ANKRD55: variants seen among roughly 807,000 people sequenced by gnomAD.
ANKRD55 encodes ankyrin repeat domain-containing protein 55.
A neutral mutation model predicts 60.6 loss-of-function variants in ANKRD55; 41 were observed. That is an observed-to-expected ratio of 0.68 (90% CI 0.53 to 0.88). ANKRD55 has a LOEUF of 0.88. Ranked by LOEUF, ANKRD55 falls within the 40% of genes least tolerant of loss-of-function variation. ANKRD55 has a pLI of 0.00. For synonymous variants in ANKRD55, 264 were observed against 290.3 expected (o/e 0.91, Z 0.92); for missense variants, 732 against 767.6 (o/e 0.95, Z 0.55).
intron 3 of ANKRD55, among the ~76,000 whole-genome samples, chr5:56,181,858 G>C (rs970605713): frequency 8.5e-5 from 13 of 152,228 alleles, no homozygotes; most frequent in African/African-American, 3.1e-4. Flanking sequence ...GCCTCCCGAA[G>C]TGTTGGGATT....
chr5:56,170,492 A>G (rs1758585588), intron 5 of ANKRD55, among the ~76,000 whole-genome samples: 2 of 152,340 alleles, frequency 1.3e-5, no homozygotes, highest in South Asian at 4.1e-4. Flanking sequence ...ATTAGGAGAC[A>G]AAACTTTTAT....
At chr5:56,186,359 G>C (rs1278304612) in intron 2 of ANKRD55, among the ~76,000 whole-genome samples, 1 of 152,074 alleles carries the variant, frequency 6.6e-6, no homozygotes, top group Non-Finnish European at 1.5e-5. Context: ...GTAGAGATGG[G>C]GTTTTGCCAT....
At chr5:56,200,850 C>A (rs1359589254) in intron 2 of ANKRD55, among the ~76,000 whole-genome samples, 1 of 152,072 alleles carries the variant, frequency 6.6e-6, no homozygotes, top group African/African-American at 2.4e-5. Context: ...CTAAACACAT[C>A]CTAGGGTCAC....
At chr5:56,169,507 C>T (rs2111811152) in intron 5 of ANKRD55, among the ~76,000 whole-genome samples, 1 of 151,358 alleles carries the variant, frequency 6.6e-6, no homozygotes, top group South Asian at 2.1e-4. Context: ...TCTGGGTTTG[C>T]TGTTCCTTTT....
At chr5:56,140,858 T>A (rs1489510104) in intron 7 of ANKRD55, among the ~76,000 whole-genome samples, 2 of 151,924 alleles carry the variant, frequency 1.3e-5, no homozygotes, top group Admixed American at 6.6e-5. Flanking sequence ...AGTTCAGGAG[T>A]TCGAGACCAG....
intron 2 of ANKRD55, among the ~76,000 whole-genome samples, chr5:56,220,642 T>C (rs1049666687): frequency 1.3e-5 from 2 of 152,108 alleles, no homozygotes; most frequent in Admixed American, 1.3e-4. Flanking sequence ...GGTGAAACCC[T>C]GTCTCTACAA....
intron 5 of ANKRD55, among the ~76,000 whole-genome samples, chr5:56,164,652 C>T (rs186928105): frequency 9.2e-5 from 14 of 152,310 alleles, no homozygotes; most frequent in Admixed American, 7.8e-4. Flanking sequence ...TGTACAAACA[C>T]AACTCTGTTC....
rs60023559 is a variant in ANKRD55 at position 56,109,038 on chromosome 5, A to AACACACAC, written c.1630+2072_1630+2079dup. Among the ~76,000 whole-genome samples the AACACACAC allele has an allele frequency of 5.4e-3, 777 of 143,942 alleles. 5 individuals are homozygous for AACACACAC. Among genetic ancestry groups the AACACACAC allele is most frequent in the African/African-American group, 0.012 (446 of 36,952 alleles). 94.4% of individuals were successfully genotyped at this position (143,942 alleles called of 152,430 possible). ...GGTGACAAGTGAGACTCTGTCTCAA[A>AACACACAC]ACACACACACACACACACACACACA... On this transcript the variant is annotated intron_variant, in intron 10 of 11. Transcript: ENST00000341048.
intron 6 of ANKRD55, among the ~76,000 whole-genome samples, chr5:56,156,672 A>G (rs914032455): frequency 1.3e-5 from 2 of 152,184 alleles, no homozygotes; most frequent in South Asian, 2.1e-4. Context: ...GAGGTTCACA[A>G]TCTGCTGACA....
At chr5:56,127,348 T>C in intron 7 of ANKRD55, 1 of 985,360 alleles carries the variant, frequency 1.0e-6, no homozygotes, top group Non-Finnish European at 1.2e-6. Context: ...TAAATTGTCT[T>C]CCATAACTAG....
intron 10 of ANKRD55, 90 bp downstream of exon 10, chr5:56,111,028 C>T: frequency 7.0e-7 from 1 of 1,437,028 alleles, no homozygotes; most frequent in Non-Finnish European, 9.5e-7. Context: ...GCCTTCTAGG[C>T]TATTGTCACT....
At chr5:56,198,306 T>TC (rs1344132208) in intron 2 of ANKRD55, among the ~76,000 whole-genome samples, 26 of 152,064 alleles carry the variant, frequency 1.7e-4, no homozygotes, top group Non-Finnish European at 2.8e-4. Context: ...ACTGTTTTTT[T>TC]TTCTTTTTTT....
chr5:56,131,795 CAAAAAAAAAA>C (rs34898025), intron 7 of ANKRD55, among the ~76,000 whole-genome samples: 11 of 26,784 alleles, frequency 4.1e-4, no homozygotes, highest in Admixed American at 9.8e-4. Context: ...GACTCCGTCT[CAAAAAAAAAA>C]AAAAAAAAAA....
chr5:56,193,129 T>G (rs1184883045), intron 2 of ANKRD55: 1 of 682,274 alleles, frequency 1.5e-6, no homozygotes, highest in Non-Finnish European at 2.4e-6. Flanking sequence ...ACATTTATTT[T>G]AGGAGAAGAT....
At chr5:56,128,336 A>G (rs1261584041) in intron 7 of ANKRD55, among the ~76,000 whole-genome samples, 1 of 152,030 alleles carries the variant, frequency 6.6e-6, no homozygotes, top group African/African-American at 2.4e-5. Flanking sequence ...CCACACTCGT[A>G]CTCTCTTCCT....
chr5:56,213,431 T>A (rs1759725462), intron 2 of ANKRD55, among the ~76,000 whole-genome samples: 1 of 151,894 alleles, frequency 6.6e-6, no homozygotes, highest in Non-Finnish European at 1.5e-5. Context: ...TTTAAATACC[T>A]TAAAAGTGTG....
At chr5:56,128,058 C>T (rs1384753024) in intron 7 of ANKRD55, among the ~76,000 whole-genome samples, 1 of 152,158 alleles carries the variant, frequency 6.6e-6, no homozygotes. Context: ...ATGTTTGTTT[C>T]ACTTCATGCT....
intron 6 of ANKRD55, among the ~76,000 whole-genome samples, chr5:56,155,876 G>A (rs990768035): frequency 2.0e-5 from 3 of 149,176 alleles, no homozygotes; most frequent in African/African-American, 7.4e-5. Context: ...CCAAAACCAT[G>A]TATATATCTA....
chr5:56,134,626 T>A (rs1446017522), intron 7 of ANKRD55, among the ~76,000 whole-genome samples: 1 of 151,840 alleles, frequency 6.6e-6, no homozygotes, highest in African/African-American at 2.4e-5. Flanking sequence ...TTAATAACCT[T>A]CTAAAATGGA....
Sources: gnomAD v4.1 joint callset for allele counts (sites outside exome capture counted in the v4.1 genomes callset) on GRCh38, gnomAD v4.1.1 for gene constraint, MANE v1.5 for transcripts, NCBI Gene and HGNC (gene_info 2026-07-23, HGNC 2026-07-21) for gene names.